The following SEC24D variants were observed in gnomAD, a reference collection of about 807,000 sequenced individuals.
SEC24D encodes the protein SEC24 homolog D, COPII component, also known as protein transport protein Sec24D.
A neutral mutation model predicts 116.9 loss-of-function variants in SEC24D; 69 were observed. That is an observed-to-expected ratio of 0.59 (90% CI 0.49 to 0.72). The LOEUF (loss-of-function observed/expected upper bound fraction) is 0.72, where lower values mean the gene tolerates loss of function less well. Among genes scored for constraint, SEC24D ranks in the 30% least tolerant of loss-of-function variants. The probability of loss-of-function intolerance (pLI) is 0.00; values close to 1 mark genes in which losing one functional copy is unlikely to be tolerated. For synonymous variants in SEC24D, 405 were observed against 442.8 expected (o/e 0.91, Z 1.07); for missense variants, 1,131 against 1,264.1 (o/e 0.89, Z 1.60).
chr4:118,737,443 C>G (rs984162025), intron 19 of SEC24D, among the ~76,000 whole-genome samples: 3 of 151,916 alleles, frequency 2.0e-5, no homozygotes, highest in African/African-American at 2.4e-5. Context: ...GAATTTGGAC[C>G]CAAAATTTAT....
chr4:118,726,298 AAG>A (rs1465812668), intron 22 of SEC24D, among the ~76,000 whole-genome samples: 1 of 152,228 alleles, frequency 6.6e-6, no homozygotes, highest in Non-Finnish European at 1.5e-5. Context: ...GCCTATGAAA[AAG>A]AGTCACTGAG....
intron 13 of SEC24D, among the ~76,000 whole-genome samples, chr4:118,748,157 T>G (rs1312137726): frequency 1.3e-5 from 2 of 151,968 alleles, no homozygotes; most frequent in Non-Finnish European, 2.9e-5. Context: ...TCCCAGCTAC[T>G]TGGGAGGGTG....
chr4:118,811,446 G>T (rs1390808168), intron 6 of SEC24D, among the ~76,000 whole-genome samples: 1 of 152,214 alleles, frequency 6.6e-6, no homozygotes, highest in African/African-American at 2.4e-5. Flanking sequence ...AGTCTAAATG[G>T]TGCTATGAAA....
intron 8 of SEC24D, among the ~76,000 whole-genome samples, chr4:118,770,404 T>C (rs1727844292): frequency 6.6e-6 from 1 of 152,090 alleles, no homozygotes; most frequent in African/African-American, 2.4e-5. Context: ...AGACAACAAA[T>C]ATGTGCTGTT....
chr4:118,784,638 G>A (rs1025778308), intron 8 of SEC24D, among the ~76,000 whole-genome samples: 1 of 151,756 alleles, frequency 6.6e-6, no homozygotes, highest in African/African-American at 2.4e-5. Context: ...TATTTTTCAA[G>A]AAAGTAAATG....
At chr4:118,752,157 T>A (rs1252373825) in intron 12 of SEC24D, 68 bp from the exon 13 acceptor site, 20 of 1,022,004 alleles carry the variant, frequency 2.0e-5, no homozygotes, top group Non-Finnish European at 2.6e-5. Context: ...AAGCAATAAA[T>A]CACTAACATT....
At chr4:118,823,234 C>T (rs1174456271) in intron 3 of SEC24D, among the ~76,000 whole-genome samples, 1 of 152,190 alleles carries the variant, frequency 6.6e-6, no homozygotes, top group African/African-American at 2.4e-5. Context: ...GCTTAAACCA[C>T]AATCACGCTT....
intron 5 of SEC24D, 26 bp downstream of exon 5, chr4:118,815,425 C>T: frequency 6.2e-7 from 1 of 1,611,554 alleles, no homozygotes. Context: ...AACACAAAGC[C>T]TTCCCCTGCA....
chr4:118,732,969 G>A (rs761231794), intron 19 of SEC24D, 57 bp from the exon 20 acceptor site: 1 of 1,399,378 alleles, frequency 7.1e-7, no homozygotes, highest in Non-Finnish European at 1.0e-6. Context: ...ACAATTCCCT[G>A]AGCTTCATCT....
At chr4:118,791,306 C>CGAAT (rs1474330036) in intron 8 of SEC24D, among the ~76,000 whole-genome samples, 2 of 151,928 alleles carry the variant, frequency 1.3e-5, no homozygotes, top group Non-Finnish European at 2.9e-5. Flanking sequence ...AATGTAAAAA[C>CGAAT]GAATGAATGA....
rs376577745 is a variant in SEC24D at position 118,815,172 on chromosome 4, T to C, written c.674-17A>G. On this transcript the variant is annotated splice_polypyrimidine_tract_variant and intron_variant, in intron 5 of 22. Transcript: ENST00000280551. ...CAGAGTTGGCTGCTTGGAAAAAATT[T>C]AAAGAGAAATGACTATCATCCCAAA... is the stretch of plus-strand genomic sequence containing the variant. 4.9e-5 allele frequency: 79 copies of C among 1,613,572 alleles called. No homozygotes were observed. The highest frequency in any genetic ancestry group is 6.5e-5 in the Non-Finnish European group (77 of 1,179,860).
chr4:118,768,535 T>C (rs1041366429), intron 8 of SEC24D, among the ~76,000 whole-genome samples: 1 of 152,006 alleles, frequency 6.6e-6, no homozygotes, highest in Non-Finnish European at 1.5e-5. Flanking sequence ...GCTGTGATTA[T>C]AGGTGCCTGC....
intron 10 of SEC24D, 111 bp from the exon 11 acceptor site, chr4:118,757,956 G>T: frequency 1.2e-6 from 1 of 822,506 alleles, no homozygotes. Context: ...TAATATTTAG[G>T]ATATACCATC....
At chr4:118,798,695 A>C (rs1278500102) in intron 7 of SEC24D, among the ~76,000 whole-genome samples, 1 of 152,246 alleles carries the variant, frequency 6.6e-6, no homozygotes, top group Non-Finnish European at 1.5e-5. Flanking sequence ...CTGTGAAAAA[A>C]GCATATCTAG....
intron 6 of SEC24D, among the ~76,000 whole-genome samples, chr4:118,808,065 C>T (rs1560733991): frequency 1.3e-5 from 2 of 152,026 alleles, no homozygotes; most frequent in African/African-American, 4.8e-5. Flanking sequence ...GGGCTCAAGC[C>T]ATCTCTTGCC....
intron 3 of SEC24D, among the ~76,000 whole-genome samples, chr4:118,821,636 A>C (rs1454012220): frequency 6.6e-6 from 1 of 152,264 alleles, no homozygotes; most frequent in African/African-American, 2.4e-5. Flanking sequence ...ATTTAGATAC[A>C]GTAAAATTAA....
rs1560647302 is a variant in SEC24D, at chr4:118,757,830, T to G, written c.1312A>C (p.Asn438His). The G allele has an allele frequency of 2.5e-6, 4 of 1,609,222 alleles. No homozygotes were observed. Among genetic ancestry groups the G allele is most frequent in the Admixed American group, 3.4e-5 (2 of 58,794 alleles). The change falls in exon 11 of 23, where the codon AAC becomes CAC. Residue 438 changes from asparagine to histidine, a missense_variant. Physicochemically the swap from Asn to His is moderately conservative, Grantham distance 68. Transcript: ENST00000280551. ...LDYCRKSKPP[N>H]PPAFIFMIDV... Reference sequence around the variant, plus strand: ...ATCATGAAGATAAAGGCTGGTGGGTTGGGAGGCTTACTCTTCTATAGGAAA... The same window carrying G: ...ATCATGAAGATAAAGGCTGGTGGGTGGGGAGGCTTACTCTTCTATAGGAAA...
chr4:118,725,985 C>G (rs1725391512), intron 22 of SEC24D, among the ~76,000 whole-genome samples: 1 of 152,122 alleles, frequency 6.6e-6, no homozygotes, highest in Admixed American at 6.6e-5. Context: ...GGGGATGGCC[C>G]TATAGAGTAG....
intron 8 of SEC24D, 80 bp from the exon 9 acceptor site, chr4:118,768,391 G>T: frequency 1.1e-6 from 1 of 939,842 alleles, no homozygotes; most frequent in South Asian, 1.9e-5. Flanking sequence ...TCTTTTAATG[G>T]CACTTTTTTT....
Sources: gnomAD v4.1 joint callset for allele counts (sites outside exome capture counted in the v4.1 genomes callset) on GRCh38, gnomAD v4.1.1 for gene constraint, MANE v1.5 for transcripts, NCBI Gene and HGNC (gene_info 2026-07-23, HGNC 2026-07-21) for gene names.